MAST2: variants seen among roughly 807,000 people sequenced by gnomAD.
The protein encoded by MAST2 is microtubule associated serine/threonine kinase 2.
Under a neutral mutation model 147.4 loss-of-function variants are expected in MAST2, and 70 were observed. The ratio of observed to expected loss-of-function variants is 0.47; its 90% CI spans 0.39 to 0.58. MAST2 has a LOEUF of 0.58. Ranked by LOEUF, MAST2 falls within the 20% of genes least tolerant of loss-of-function variation. MAST2 has a pLI of 0.00. For synonymous variants in MAST2, 869 were observed against 896.8 expected (o/e 0.97, Z 0.55); for missense variants, 2,080 against 2,302.3 (o/e 0.90, Z 1.98).
Position 45,975,495 on chromosome 1 carries a change from C to CAAAAAA in MAST2, c.592+16039_592+16044dup, listed in dbSNP as rs60802520. 9.0e-3 allele frequency among the ~76,000 whole-genome samples: 364 copies of CAAAAAA among 40,428 alleles called. 142 individuals carry two copies. The highest frequency in any genetic ancestry group is 0.034 in the African/African-American group (349 of 10,258). The allele number at this position is 40,428 out of a possible 152,430, so 26.5% of individuals were successfully genotyped here. A position where few individuals can be genotyped will look rare whatever the true frequency, so the allele number is the denominator to read the frequency against. ...GCAATATAGTGAGTCCCTGTCTCTC[C>CAAAAAA]AAAAAAAAAAAAAAAAAAAAAAAAA... On this transcript the variant is annotated intron_variant, in intron 5 of 28. Coordinates refer to ENST00000361297, the MANE Select transcript of MAST2 (RefSeq NM_015112.3).
chr1:45,877,279 A>T (rs1019607570), intron 3 of MAST2, among the ~76,000 whole-genome samples: 2 of 151,946 alleles, frequency 1.3e-5, no homozygotes, highest in Admixed American at 6.6e-5. Flanking sequence ...TTTTTTTGAG[A>T]TGGGGTCTTG....
At chr1:45,865,839 T>G (rs112562707) in intron 3 of MAST2, among the ~76,000 whole-genome samples, 1 of 152,216 alleles carries the variant, frequency 6.6e-6, no homozygotes, top group African/African-American at 2.4e-5. Flanking sequence ...TATCTCATCT[T>G]AGTCTTGTTA....
chr1:46,002,665 G>C, intron 6 of MAST2, 140 bp from the exon 7 acceptor site: 1 of 701,802 alleles, frequency 1.4e-6, no homozygotes, highest in Non-Finnish European at 2.6e-6. Context: ...ATAAAAGCAT[G>C]TACTGGACTG....
At chr1:45,847,195 C>A (rs1645464815) in intron 3 of MAST2, 1 of 526,990 alleles carries the variant, frequency 1.9e-6, no homozygotes, top group Non-Finnish European at 3.9e-6. Context: ...AGATTACTTG[C>A]ATTTAGAATG....
chr1:46,034,608 C>T lies in MAST2; in HGVS notation c.3939C>T (p.His1313=), dbSNP rs751896354. 3 of 1,614,126 alleles carry T rather than the reference C, an allele frequency of 1.9e-6. No homozygotes were observed. The highest frequency in any genetic ancestry group is 2.5e-6 in the Non-Finnish European group (3 of 1,180,028). The change falls in exon 29 of 29, where the codon CAC becomes CAT. Residue 1313 remains histidine, a synonymous_variant. Transcript: ENST00000361297. ...CCAGTTCCCCAGCCGGCTCTGGGCA[C>T]ACACGGCCCAGCTCCCTCCACGGTC... ...SVPSSPAGSG[H]TRPSSLHGLA...
intron 3 of MAST2, among the ~76,000 whole-genome samples, chr1:45,853,057 A>C (rs1439187874): frequency 3.3e-5 from 5 of 151,964 alleles, no homozygotes; most frequent in African/African-American, 4.8e-5. Flanking sequence ...CATCCTCCCG[A>C]GTAGCTGGGA....
At chr1:45,953,549 G>T (rs1012209308) in intron 4 of MAST2, among the ~76,000 whole-genome samples, 2 of 152,202 alleles carry the variant, frequency 1.3e-5, no homozygotes, top group East Asian at 3.9e-4. Flanking sequence ...GACCAAAGGG[G>T]ATTCAGGAAA....
intron 4 of MAST2, among the ~76,000 whole-genome samples, chr1:45,890,739 A>G (rs997770823): frequency 1.3e-5 from 2 of 152,224 alleles, no homozygotes; most frequent in Admixed American, 6.5e-5. Flanking sequence ...GTGCGGTACA[A>G]TATGCTGATC....
At chr1:45,888,934 C>G (rs919405226) in intron 4 of MAST2, among the ~76,000 whole-genome samples, 2 of 151,902 alleles carry the variant, frequency 1.3e-5, no homozygotes, top group Non-Finnish European at 2.9e-5. Flanking sequence ...GCCTCGGCCT[C>G]CCAAGTGCTG....
At chr1:45,997,467 G>T (rs995807615) in intron 5 of MAST2, among the ~76,000 whole-genome samples, 1 of 152,128 alleles carries the variant, frequency 6.6e-6, no homozygotes, top group African/African-American at 2.4e-5. Flanking sequence ...TTCCTAGGAG[G>T]GCAGGAAATA....
chr1:45,958,755 G>C (rs1218813902), intron 4 of MAST2, among the ~76,000 whole-genome samples: 3 of 152,152 alleles, frequency 2.0e-5, no homozygotes, highest in Non-Finnish European at 4.4e-5. Context: ...AAGATAGACT[G>C]ACTTTCAAAT....
intron 4 of MAST2, among the ~76,000 whole-genome samples, chr1:45,884,479 G>C (rs764372937): frequency 1.3e-5 from 2 of 152,152 alleles, no homozygotes; most frequent in East Asian, 1.9e-4. Context: ...TTGAATCCAG[G>C]AGACGGAGGT....
At chr1:46,016,965 A>G (rs1284709832) in intron 10 of MAST2, among the ~76,000 whole-genome samples, 2 of 152,074 alleles carry the variant, frequency 1.3e-5, no homozygotes, top group South Asian at 4.2e-4. Context: ...TGGTACTGGT[A>G]CCAAAACAGA....
At chr1:45,883,908 T>C (rs1646957740) in intron 4 of MAST2, among the ~76,000 whole-genome samples, 1 of 350 alleles carries the variant, frequency 2.9e-3, no homozygotes, top group South Asian at 0.1. Context: ...TTTCTACTAT[T>C]TCTGCCCCCC....
intron 6 of MAST2, among the ~76,000 whole-genome samples, chr1:45,999,274 C>G (rs187212283): frequency 3.0e-4 from 45 of 152,272 alleles, no homozygotes; most frequent in African/African-American, 1.1e-3. Context: ...CTCATCTCTC[C>G]TACCCTATGG....
At chr1:45,982,842 C>T (rs1042139295) in intron 5 of MAST2, among the ~76,000 whole-genome samples, 2 of 152,164 alleles carry the variant, frequency 1.3e-5, no homozygotes, top group African/African-American at 4.8e-5. Flanking sequence ...GGACTTTGCT[C>T]TTAAACTGTG....
At chr1:45,968,348 C>G (rs1015075477) in intron 5 of MAST2, among the ~76,000 whole-genome samples, 6 of 152,128 alleles carry the variant, frequency 3.9e-5, no homozygotes, top group South Asian at 2.1e-4. Flanking sequence ...CTTCTTTTAA[C>G]ATTTCTTGCA....
intron 4 of MAST2, among the ~76,000 whole-genome samples, chr1:45,941,696 T>C (rs1391894068): frequency 3.3e-5 from 5 of 152,278 alleles, no homozygotes; most frequent in African/African-American, 4.8e-5. Flanking sequence ...TTTATTTGTT[T>C]ATTCCTTATT....
At position 46,034,869 on chromosome 1, in the gene MAST2, A is replaced by T. The variant is rs1326973766; in HGVS notation, c.4200A>T (p.Pro1400=). Residue 1400 remains proline, a synonymous_variant, in exon 29 of 29, where the codon CCA becomes CCT. Transcript: ENST00000361297. ...AGAGTGCGGAGCCACCCCGTTCACC[A>T]CTACTCAAGAGGGTGCAGTCGGCTG... is the stretch of plus-strand genomic sequence containing the variant. ...RPKSAEPPRS[P]LLKRVQSAEK... is the part of the protein sequence containing the mutation. 6.2e-6 allele frequency: 10 copies of T among 1,614,048 alleles called. No homozygotes were observed. The highest frequency in any genetic ancestry group is 8.5e-6 in the Non-Finnish European group (10 of 1,180,038).
Sources: allele counts gnomAD v4.1 joint callset (sites outside exome capture counted in the v4.1 genomes callset), GRCh38; gene constraint gnomAD v4.1.1; transcripts MANE v1.5; gene names NCBI Gene and HGNC (gene_info 2026-07-23, HGNC 2026-07-21).